Variants in ASPRV1 observed in about 807,000 individuals in gnomAD.
ASPRV1 encodes retroviral-like aspartic protease 1.
In ASPRV1, 7 loss-of-function variants were observed where a neutral mutation model predicts 11.0. The ratio of observed to expected loss-of-function variants is 0.64; its 90% confidence interval spans 0.36 to 1.20. The LOEUF (loss-of-function observed/expected upper bound fraction) is 1.20. ASPRV1 is among the 50% of genes most tolerant of loss of function. ASPRV1 has a pLI of 0.02. For missense variants in ASPRV1, 299 were observed against 320.0 expected, an observed-to-expected ratio of 0.93 and a Z score of 0.50; for synonymous variants, 136 against 138.4, an observed-to-expected ratio of 0.98 and a Z score of 0.12.
At chr2:69,989,476 G>A in the ASPRV1 span, among the ~76,000 whole-genome samples, 1 of 152,212 alleles carries the variant, frequency 6.6e-6, no homozygotes, top group Non-Finnish European at 1.5e-5. Context: ...TAAGGCCCAG[G>A]AATGGGGGGC....
chr2:70,071,768 T>C, the ASPRV1 span: 1 of 151,336 alleles, frequency 6.6e-6, no homozygotes, highest in African/African-American at 2.4e-5. Context: ...AAACAAAAAT[T>C]AAATTAATGA....
the ASPRV1 span, among the ~76,000 whole-genome samples, chr2:69,973,278 T>C: frequency 6.6e-6 from 1 of 152,218 alleles, no homozygotes. Context: ...CAGTTGTAAC[T>C]GATAAATGAA....
At chr2:70,006,205 G>T in the ASPRV1 span, among the ~76,000 whole-genome samples, 4 of 152,246 alleles carry the variant, frequency 2.6e-5, no homozygotes, top group African/African-American at 9.6e-5. Context: ...GGGCTGGGGG[G>T]TAAAACTGTC....
upstream of ASPRV1, among the ~76,000 whole-genome samples, chr2:69,965,474 AAAACTCAT>A: frequency 6.6e-6 from 1 of 151,502 alleles, no homozygotes; most frequent in South Asian, 2.1e-4. Context: ...AACAAAAACA[AAAACTCAT>A]AAACTCATAA....
Position 69,961,131 on chromosome 2 carries a change from G to T in ASPRV1, c.306C>A (p.Ile102=), listed in dbSNP as rs1358630501. 6.2e-7 allele frequency: 1 copy of T among 1,613,748 alleles called. No homozygotes were observed. The highest frequency in any genetic ancestry group is 8.5e-7 in the Non-Finnish European group (1 of 1,179,894). ...GAAPSHLPKE[I]VFANSMGKGY... ...CCTTACCCATGCTGTTGGCAAAGACGATCTCTTTGGGCAGGTGGCTGGGGG... is the reference window on the plus strand; with the variant it reads ...CCTTACCCATGCTGTTGGCAAAGACTATCTCTTTGGGCAGGTGGCTGGGGG... Residue 102 remains isoleucine (I), a synonymous_variant, in exon 1 of 1, where the codon ATC becomes ATA. Coordinates refer to ENST00000320256, the MANE Select transcript of ASPRV1 (RefSeq NM_152792.4).
chr2:69,988,590 T>G, the ASPRV1 span: 18 of 340,850 alleles, frequency 5.3e-5, no homozygotes, highest in African/African-American at 3.9e-4. Context: ...GAAGAAGTTC[T>G]GAAGATGAAT....
chr2:69,990,464 A>G, the ASPRV1 span, among the ~76,000 whole-genome samples: 1 of 151,768 alleles, frequency 6.6e-6, no homozygotes, highest in Admixed American at 6.6e-5. Context: ...GATTACAGGC[A>G]TGAGCCACTG....
At chr2:69,941,612 C>T in the ASPRV1 span, 10 of 152,132 alleles carry the variant, frequency 6.6e-5, no homozygotes, top group African/African-American at 2.2e-4. Flanking sequence ...TTTCCTTTAA[C>T]CTCTACTTTT....
the ASPRV1 span, among the ~76,000 whole-genome samples, chr2:70,058,441 C>T: frequency 6.6e-6 from 1 of 152,106 alleles, no homozygotes; most frequent in African/African-American, 2.4e-5. Flanking sequence ...CAGTGTTTTG[C>T]CATGTGGGCC....
chr2:69,945,072 CCCATTGCCCA>C, the ASPRV1 span, among the ~76,000 whole-genome samples: 4 of 152,088 alleles, frequency 2.6e-5, no homozygotes, highest in Non-Finnish European at 5.9e-5. Context: ...CTATGGAAGG[CCCATTGCCCA>C]CTTAGGCCTT....
At chr2:69,990,590 A>G in the ASPRV1 span, among the ~76,000 whole-genome samples, 3 of 151,704 alleles carry the variant, frequency 2.0e-5, no homozygotes, top group African/African-American at 7.3e-5. Context: ...TGATCCTCCC[A>G]CCTGAGCCTC....
the ASPRV1 span, among the ~76,000 whole-genome samples, chr2:70,067,249 T>C: frequency 6.6e-6 from 1 of 152,006 alleles, no homozygotes; most frequent in Non-Finnish European, 1.5e-5. Context: ...GAATGATTAA[T>C]CATTACTGGG....
chr2:69,969,361 G>A, the ASPRV1 span, among the ~76,000 whole-genome samples: 4 of 152,256 alleles, frequency 2.6e-5, no homozygotes, highest in East Asian at 1.9e-4. Flanking sequence ...GGACATTGGC[G>A]GTTCCCCGAG....
chr2:69,969,387 T>C, the ASPRV1 span, among the ~76,000 whole-genome samples: 2 of 152,178 alleles, frequency 1.3e-5, no homozygotes, highest in African/African-American at 4.8e-5. Flanking sequence ...AGTCTGGCCC[T>C]CTCAGCCTCA....
chr2:69,976,972 G>A, the ASPRV1 span, among the ~76,000 whole-genome samples: 14 of 152,024 alleles, frequency 9.2e-5, no homozygotes, highest in South Asian at 2.1e-4. Context: ...CAGGTGGATC[G>A]CCTGAGGTCA....
chr2:70,081,948 TAA>T, the ASPRV1 span, among the ~76,000 whole-genome samples: 2 of 147,004 alleles, frequency 1.4e-5, no homozygotes, highest in African/African-American at 2.5e-5. Flanking sequence ...AGAAACCACT[TAA>T]AAAAAAAAGC....
At chr2:69,945,268 C>T in the ASPRV1 span, among the ~76,000 whole-genome samples, 4 of 152,164 alleles carry the variant, frequency 2.6e-5, no homozygotes, top group Non-Finnish European at 4.4e-5. Flanking sequence ...AACAAACCCT[C>T]GTAATCTGCA....
the ASPRV1 span, among the ~76,000 whole-genome samples, chr2:70,027,187 G>C: frequency 6.6e-6 from 1 of 150,632 alleles, no homozygotes; most frequent in Non-Finnish European, 1.5e-5. Flanking sequence ...GAGCCTGGGA[G>C]GTCCAGGCTG....
At chr2:70,051,799 C>T in the ASPRV1 span, among the ~76,000 whole-genome samples, 5,715 of 151,510 alleles carry the variant, frequency 0.038, 369 homozygotes, top group African/African-American at 0.13. Context: ...CACATTGAGA[C>T]CCCATCTTTA....
Sources: allele counts gnomAD v4.1 joint callset (sites outside exome capture counted in the v4.1 genomes callset), GRCh38; gene constraint gnomAD v4.1.1; transcripts MANE v1.5; gene names NCBI Gene and HGNC (gene_info 2026-07-23, HGNC 2026-07-21).